Variants in FNBP1L observed in about 807,000 individuals in gnomAD.
The protein encoded by FNBP1L is formin binding protein 1 like.
A neutral mutation model predicts 91.2 loss-of-function variants in FNBP1L; 36 were observed. That is an observed-to-expected ratio of 0.39 (90% CI 0.30 to 0.52). The LOEUF is 0.52. FNBP1L is among the 20% of genes least tolerant of loss of function. The pLI is 0.66. For missense variants in FNBP1L, 571 were observed against 732.1 expected (o/e 0.78, Z 2.54); for synonymous variants, 242 against 237.0 (o/e 1.02, Z -0.19).
chr1:93,540,626 T>C (rs987599235), intron 10 of FNBP1L, among the ~76,000 whole-genome samples: 1 of 152,134 alleles, frequency 6.6e-6, no homozygotes, highest in Non-Finnish European at 1.5e-5. Flanking sequence ...GAACATTCTA[T>C]TTTTTAATAT....
At chr1:93,477,092 G>T (rs2101703811) in intron 1 of FNBP1L, among the ~76,000 whole-genome samples, 1 of 152,278 alleles carries the variant, frequency 6.6e-6, no homozygotes, top group South Asian at 2.1e-4. Flanking sequence ...ATGCTCACTT[G>T]CATTTTGAAA....
chr1:93,515,696 A>G (rs922946216), intron 2 of FNBP1L, among the ~76,000 whole-genome samples: 1 of 145,830 alleles, frequency 6.9e-6, no homozygotes, highest in Non-Finnish European at 1.5e-5. Context: ...ATTCTCCCTC[A>G]TAGGTGGGAA....
At chr1:93,489,638 G>GA (rs1223531290) in intron 1 of FNBP1L, among the ~76,000 whole-genome samples, 30 of 151,890 alleles carry the variant, frequency 2.0e-4, no homozygotes, top group African/African-American at 6.5e-4. Context: ...TTAAATTTAA[G>GA]AAAAAATTAA....
intron 2 of FNBP1L, among the ~76,000 whole-genome samples, chr1:93,502,818 G>A (rs753227977): frequency 6.6e-6 from 1 of 152,186 alleles, no homozygotes; most frequent in Non-Finnish European, 1.5e-5. Context: ...GAGTGTTGAA[G>A]TATGAGGAGT....
At chr1:93,522,255 A>G in intron 3 of FNBP1L, 120 bp downstream of exon 3, 1 of 411,538 alleles carries the variant, frequency 2.4e-6, no homozygotes. Context: ...TAATTTAAAA[A>G]TTAATGTTTA....
At chr1:93,487,042 A>C (rs1389251848) in intron 1 of FNBP1L, among the ~76,000 whole-genome samples, 1 of 152,106 alleles carries the variant, frequency 6.6e-6, no homozygotes, top group African/African-American at 2.4e-5. Flanking sequence ...TTTGGAACCC[A>C]TTTCAGTCAG....
intron 2 of FNBP1L, among the ~76,000 whole-genome samples, chr1:93,500,065 A>G (rs1424559763): frequency 6.6e-6 from 1 of 152,214 alleles, no homozygotes; most frequent in Non-Finnish European, 1.5e-5. Flanking sequence ...TTGGAAGATA[A>G]AAGTTTTAAA....
intron 16 of FNBP1L, chr1:93,551,904 AT>A: frequency 6.1e-6 from 6 of 985,616 alleles, no homozygotes; most frequent in Non-Finnish European, 6.0e-6. Context: ...TTTAGTGATT[AT>A]TTAGCATTTA....
chr1:93,499,452 TA>T lies in FNBP1L; in HGVS notation c.25-15del. The T allele has an allele frequency of 6.6e-7, 1 of 1,515,132 alleles. No homozygotes were observed. Among genetic ancestry groups the T allele is most frequent in the Non-Finnish European group, 9.0e-7 (1 of 1,111,986 alleles). 93.9% of individuals were successfully genotyped at this position (1,515,132 alleles called of 1,614,324 possible). A position where few individuals can be genotyped will look rare whatever the true frequency, so the allele number is the denominator to read the frequency against. On this transcript the variant is annotated splice_polypyrimidine_tract_variant and intron_variant, in intron 1 of 16. Coordinates refer to ENST00000271234, the MANE Select transcript of FNBP1L (RefSeq NM_001164473.3). ...TTTTAGACTTTTGAAAATGCATTTTTATCTTCCTTTTCCAGGATCAGTTCGA... is the reference window on the plus strand; with the variant it reads ...TTTTAGACTTTTGAAAATGCATTTTTTCTTCCTTTTCCAGGATCAGTTCGA...
intron 1 of FNBP1L, among the ~76,000 whole-genome samples, chr1:93,481,014 A>G (rs1279213065): frequency 6.6e-6 from 1 of 152,180 alleles, no homozygotes; most frequent in Admixed American, 6.5e-5. Context: ...CATAATCCCA[A>G]TCGCTTCCTC....
chr1:93,488,541 C>T (rs990169575), intron 1 of FNBP1L: 3 of 151,982 alleles, frequency 2.0e-5, no homozygotes, highest in African/African-American at 7.3e-5. Flanking sequence ...GAGGTTATAC[C>T]CTCCAATGTA....
intron 5 of FNBP1L, among the ~76,000 whole-genome samples, chr1:93,524,938 C>G (rs1464402977): frequency 6.6e-6 from 1 of 151,890 alleles, no homozygotes; most frequent in Middle Eastern, 3.4e-3. Flanking sequence ...TAAAAATTTC[C>G]CCAAGGCACT....
At chr1:93,506,727 C>T (rs149819111) in intron 2 of FNBP1L, among the ~76,000 whole-genome samples, 1 of 152,116 alleles carries the variant, frequency 6.6e-6, no homozygotes, top group Non-Finnish European at 1.5e-5. Flanking sequence ...AGATAGTTCA[C>T]ATTCTGGCAC....
rs34173735 is a variant in FNBP1L, at chr1:93,524,581, C to CTTT, written c.405+276_405+278dup. 5.5e-4 allele frequency among the ~76,000 whole-genome samples: 62 copies of CTTT among 113,386 alleles called. 3 individuals are homozygous for CTTT. Among genetic ancestry groups the CTTT allele is most frequent in the African/African-American group, 1.8e-3 (58 of 32,656 alleles). 74.4% of individuals were successfully genotyped at this position (113,386 alleles called of 152,430 possible). A position where few individuals can be genotyped will look rare whatever the true frequency, so the allele number is the denominator to read the frequency against. On this transcript the variant is annotated intron_variant, in intron 5 of 16. Transcript: ENST00000271234. Reference sequence around the variant, plus strand: ...ATCATTGTGAACATTTAAGGAGATTCTTTTTTTTTTTTTTTTTTTTACTTT... The same window carrying CTTT: ...ATCATTGTGAACATTTAAGGAGATTCTTTTTTTTTTTTTTTTTTTTTTTACTTT...
chr1:93,551,994 A>G (rs988042089), intron 16 of FNBP1L: 16 of 994,064 alleles, frequency 1.6e-5, no homozygotes, highest in Non-Finnish European at 1.8e-5. Flanking sequence ...ATGGAGGGGA[A>G]GTGTTGACAA....
At chr1:93,537,350 T>C (rs1283717253) in intron 10 of FNBP1L, among the ~76,000 whole-genome samples, 1 of 152,056 alleles carries the variant, frequency 6.6e-6, no homozygotes, top group African/African-American at 2.4e-5. Context: ...GGTTGTTTCG[T>C]TCTTCCTTCT....
chr1:93,523,792 A>G (rs903983250), intron 4 of FNBP1L, among the ~76,000 whole-genome samples: 1 of 152,202 alleles, frequency 6.6e-6, no homozygotes, highest in African/African-American at 2.4e-5. Context: ...ATTTCATGAC[A>G]TTGACAATTA....
intron 1 of FNBP1L, among the ~76,000 whole-genome samples, chr1:93,451,206 G>A (rs957061482): frequency 6.6e-6 from 1 of 152,136 alleles, no homozygotes; most frequent in Non-Finnish European, 1.5e-5. Flanking sequence ...AAGAATGGAT[G>A]GATCAGATAG....
intron 13 of FNBP1L, 64 bp downstream of exon 13, chr1:93,547,038 G>A: frequency 6.7e-7 from 1 of 1,489,458 alleles, no homozygotes; most frequent in Non-Finnish European, 9.1e-7. Flanking sequence ...ATGATAGATT[G>A]GTTTTTGTTA....
Sources: gnomAD v4.1 joint callset for allele counts (sites outside exome capture counted in the v4.1 genomes callset) on GRCh38, gnomAD v4.1.1 for gene constraint, MANE v1.5 for transcripts, NCBI Gene and HGNC (gene_info 2026-07-23, HGNC 2026-07-21) for gene names.